The following RERE variants were observed in gnomAD, a reference collection of about 807,000 sequenced individuals.
The protein encoded by RERE is arginine-glutamic acid dipeptide repeats protein.
In RERE, 40 loss-of-function variants were observed where a neutral mutation model predicts 146.1. That is an observed-to-expected ratio of 0.27 (90% CI 0.21 to 0.36). RERE has a LOEUF of 0.36. Ranked by LOEUF, RERE falls within the 10% of genes least tolerant of loss-of-function variation. The pLI is 1.00. For missense variants in RERE, 1,933 were observed against 2,138.7 expected (o/e 0.90, Z 1.90); for synonymous variants, 1,003 against 866.0 (o/e 1.16, Z -2.78).
chr1:8,527,778 C>T (rs1464435194), intron 7 of RERE, among the ~76,000 whole-genome samples: 1 of 152,134 alleles, frequency 6.6e-6, no homozygotes, highest in Non-Finnish European at 1.5e-5. Flanking sequence ...ACAGACAGCC[C>T]TTTCTCTTGT....
intron 12 of RERE, among the ~76,000 whole-genome samples, chr1:8,377,186 T>C (rs1161275268): frequency 6.6e-6 from 1 of 152,226 alleles, no homozygotes; most frequent in Non-Finnish European, 1.5e-5. Flanking sequence ...TCCCACGACA[T>C]GAGGGGAATC....
intron 12 of RERE, among the ~76,000 whole-genome samples, chr1:8,403,823 AGC>A (rs1643349230): frequency 4.5e-5 from 3 of 66,144 alleles, no homozygotes; most frequent in African/African-American, 1.0e-4. Flanking sequence ...ATAAAATCTT[AGC>A]TTTTTTTTTT....
intron 1 of RERE, chr1:8,799,442 T>C: frequency 5.3e-6 from 1 of 189,508 alleles, no homozygotes. Context: ...GAGGCCAGGG[T>C]CAAGTTCAAA....
intron 2 of RERE, among the ~76,000 whole-genome samples, chr1:8,625,247 C>A (rs1646961011): frequency 1.3e-5 from 2 of 152,148 alleles, no homozygotes; most frequent in Non-Finnish European, 2.9e-5. Context: ...GCATGAGCCA[C>A]CACGCTTGGC....
At chr1:8,629,714 G>A (rs912136204) in intron 2 of RERE, among the ~76,000 whole-genome samples, 5 of 152,100 alleles carry the variant, frequency 3.3e-5, no homozygotes, top group African/African-American at 9.7e-5. Context: ...TGCCACACAC[G>A]CCAGTACTAA....
chr1:8,391,637 C>T (rs1557606366), intron 12 of RERE, among the ~76,000 whole-genome samples: 2 of 152,138 alleles, frequency 1.3e-5, no homozygotes, highest in Non-Finnish European at 2.9e-5. Context: ...GTTAGGTCCC[C>T]CTGTTATGAT....
intron 12 of RERE, among the ~76,000 whole-genome samples, chr1:8,403,189 G>A (rs950747394): frequency 6.6e-6 from 1 of 151,450 alleles, no homozygotes; most frequent in African/African-American, 2.4e-5. Flanking sequence ...GAGCCACCGC[G>A]CCCGGCCAAT....
chr1:8,752,689 A>C (rs1640563008), intron 1 of RERE, among the ~76,000 whole-genome samples: 1 of 152,330 alleles, frequency 6.6e-6, no homozygotes, highest in South Asian at 2.1e-4. Context: ...ATGTTTCAAG[A>C]AATGAAGCTA....
At chr1:8,784,566 G>A (rs1369065164) in intron 1 of RERE, among the ~76,000 whole-genome samples, 2 of 152,000 alleles carry the variant, frequency 1.3e-5, no homozygotes, top group South Asian at 2.1e-4. Flanking sequence ...TCTGTTGAAC[G>A]AACGTGTATA....
chr1:8,613,874 T>C (rs1378806626), intron 4 of RERE, among the ~76,000 whole-genome samples: 1 of 151,866 alleles, frequency 6.6e-6, no homozygotes, highest in Admixed American at 6.5e-5. Flanking sequence ...AAGTGTGAAC[T>C]TTCCTAAAAA....
chr1:8,368,056 C>T (rs933500979), intron 12 of RERE, among the ~76,000 whole-genome samples: 1 of 152,346 alleles, frequency 6.6e-6, no homozygotes, highest in African/African-American at 2.4e-5. Context: ...AAAAGGGCAA[C>T]TGGTGCTGTG....
intron 4 of RERE, among the ~76,000 whole-genome samples, chr1:8,587,834 T>C (rs978512295): frequency 2.6e-5 from 4 of 152,176 alleles, no homozygotes; most frequent in African/African-American, 9.7e-5. Flanking sequence ...CTTTCCAACC[T>C]TGTGAGTCCC....
At chr1:8,459,872 G>T (rs1442045161) in intron 11 of RERE, among the ~76,000 whole-genome samples, 4 of 152,034 alleles carry the variant, frequency 2.6e-5, no homozygotes. Context: ...CATCATTTTT[G>T]AATGACTACA....
intron 12 of RERE, among the ~76,000 whole-genome samples, chr1:8,386,010 ATATATATATATATT>A (rs1162027184): frequency 1.4e-4 from 6 of 44,066 alleles, no homozygotes; most frequent in African/African-American, 2.6e-4. Context: ...ATATATATAT[ATATATATATATATT>A]TTTTTTTTTT....
chr1:8,480,814 T>C (rs1644824833), intron 10 of RERE, among the ~76,000 whole-genome samples: 2 of 152,204 alleles, frequency 1.3e-5, no homozygotes, highest in South Asian at 2.1e-4. Flanking sequence ...AATACTAATA[T>C]AGGCTCAAAT....
At chr1:8,496,389 A>G (rs1040363368) in intron 9 of RERE, among the ~76,000 whole-genome samples, 2 of 151,996 alleles carry the variant, frequency 1.3e-5, no homozygotes, top group Admixed American at 1.3e-4. Flanking sequence ...AGGCAGGAGG[A>G]TCGCTTGAGC....
intron 10 of RERE, among the ~76,000 whole-genome samples, chr1:8,484,494 C>T (rs1437453748): frequency 3.3e-5 from 5 of 150,676 alleles, no homozygotes; most frequent in African/African-American, 1.2e-4. Context: ...AGCGCCATCT[C>T]GGCTCACTGC....
At chr1:8,355,292 A>G (rs1557579785) in intron 22 of RERE, 127 bp downstream of exon 22, 2 of 1,182,694 alleles carry the variant, frequency 1.7e-6, no homozygotes, top group South Asian at 2.7e-5. Flanking sequence ...TCCCATCACC[A>G]TGGTTCCACA....
chr1:8,789,301 A>AAAAAAATATATATAT, intron 1 of RERE, among the ~76,000 whole-genome samples: 3 of 24,826 alleles, frequency 1.2e-4, no homozygotes, highest in African/African-American at 6.9e-4. Flanking sequence ...AAAAAAAAAA[A>AAAAAAATATATATAT]ATATATATAT....
Sources: allele counts gnomAD v4.1 joint callset (sites outside exome capture counted in the v4.1 genomes callset), GRCh38; gene constraint gnomAD v4.1.1; transcripts MANE v1.5; gene names NCBI Gene and HGNC (gene_info 2026-07-23, HGNC 2026-07-21).